The following FANCL variants were observed in gnomAD, a reference collection of about 807,000 sequenced individuals.
FANCL encodes FA complementation group L, also known as E3 ubiquitin-protein ligase FANCL.
A neutral mutation model predicts 59.4 loss-of-function variants in FANCL; 69 were observed. The observed-to-expected ratio is 1.16, with a 90% confidence interval of 0.96 to 1.42. The LOEUF (loss-of-function observed/expected upper bound fraction) is 1.42. Ranked by LOEUF, FANCL falls within the 40% of genes most tolerant of loss-of-function variation. The probability of loss-of-function intolerance (pLI) is 0.00; values close to 1 mark genes in which losing one functional copy is unlikely to be tolerated. For synonymous variants in FANCL, 180 were observed against 147.1 expected (o/e 1.22, Z -1.62); for missense variants, 519 against 447.2 (o/e 1.16, Z -1.45).
At position 58,163,033 on chromosome 2, in the gene FANCL, A is replaced by G. The variant is rs61753272; in HGVS notation, c.817T>C (p.Leu273=). Residue 273 remains leucine (L), a synonymous_variant, in exon 10 of 14, where the codon TTG becomes CTG. Transcript: ENST00000233741. ...TTATATTGCCAAGGTACCTACCACA[A>G]ATGTATGTTCCTGCTCAGCTTAATT... is the stretch of plus-strand genomic sequence containing the variant. ...LGIKLSRNIH[L]WDPENSVLQN... 2.6e-4 allele frequency: 422 copies of G among 1,612,916 alleles called. 1 individual carries two copies. In the African/African-American group the frequency reaches 5.1e-3, roughly 19 times the overall value.
At chr2:58,234,548 TC>T (rs1179283501) in intron 1 of FANCL, among the ~76,000 whole-genome samples, 1 of 151,564 alleles carries the variant, frequency 6.6e-6, no homozygotes, top group Non-Finnish European at 1.5e-5. Context: ...TAATTGGAGA[TC>T]TTGGAAAGAA....
intron 11 of FANCL, among the ~76,000 whole-genome samples, chr2:58,161,911 G>T (rs954356692): frequency 6.6e-6 from 1 of 151,848 alleles, no homozygotes; most frequent in Non-Finnish European, 1.5e-5. Context: ...TTATAAAGGT[G>T]ACTATATTGC....
At chr2:58,208,487 C>A (rs1288127574) in intron 5 of FANCL, among the ~76,000 whole-genome samples, 3 of 152,114 alleles carry the variant, frequency 2.0e-5, no homozygotes, top group African/African-American at 7.2e-5. Flanking sequence ...TGAATGTCAA[C>A]AAGTAAAACA....
At position 58,222,028 on chromosome 2, in the gene FANCL, CT is replaced by C; in HGVS notation, c.287del (p.Lys96ArgfsTer23). On this transcript the variant is annotated frameshift_variant, in exon 5 of 14. Coordinates refer to ENST00000233741, the MANE Select transcript of FANCL (RefSeq NM_018062.4). LOFTEE classifies it high-confidence loss of function. ...GTAGTGCATACAGCTCTTGTCTATT[CT>C]TTAAGGCAACTTCCTGTTTAAAAGA... ...ELKMLLEVALKNRQELYALPP... is the reference protein window; with the variant it reads ...ELKMLLEVALXNRQELYALPP... 6.2e-7 allele frequency: 1 copy of C among 1,612,942 alleles called. No homozygotes were observed. Among genetic ancestry groups the C allele is most frequent in the Non-Finnish European group, 8.5e-7 (1 of 1,179,140 alleles).
chr2:58,228,817 T>C (rs899883889), intron 3 of FANCL, among the ~76,000 whole-genome samples: 20 of 152,204 alleles, frequency 1.3e-4, no homozygotes, highest in African/African-American at 4.8e-4. Flanking sequence ...TTTCTAGGAA[T>C]CCTCTTGATA....
intron 5 of FANCL, among the ~76,000 whole-genome samples, chr2:58,220,549 T>A (rs746863722): frequency 1.1e-4 from 17 of 152,248 alleles, no homozygotes; most frequent in Non-Finnish European, 2.4e-4. Context: ...CAAATTTACA[T>A]GGGAACAATT....
intron 7 of FANCL, among the ~76,000 whole-genome samples, chr2:58,180,808 TTTTG>T (rs1458286736): frequency 1.3e-5 from 2 of 152,006 alleles, no homozygotes; most frequent in Non-Finnish European, 2.9e-5. Context: ...TTTAAAGGTT[TTTTG>T]TGTGTGTGTG....
chr2:58,220,120 A>G (rs1027906767), intron 5 of FANCL, among the ~76,000 whole-genome samples: 2 of 152,188 alleles, frequency 1.3e-5, no homozygotes, highest in Admixed American at 6.5e-5. Flanking sequence ...TATTACATGC[A>G]ATCGCGATTT....
intron 7 of FANCL, among the ~76,000 whole-genome samples, chr2:58,179,839 G>C (rs1352695082): frequency 6.6e-6 from 1 of 152,022 alleles, no homozygotes; most frequent in African/African-American, 2.4e-5. Flanking sequence ...ATCTGACAAA[G>C]GGCTAATATC....
intron 7 of FANCL, among the ~76,000 whole-genome samples, chr2:58,186,747 G>A (rs1223215342): frequency 1.3e-5 from 2 of 152,058 alleles, no homozygotes; most frequent in Admixed American, 1.3e-4. Flanking sequence ...AATCCCTGGG[G>A]CAAAAAGAAG....
chr2:58,218,385 TA>T (rs1692055549), intron 5 of FANCL, among the ~76,000 whole-genome samples: 1 of 151,898 alleles, frequency 6.6e-6, no homozygotes, highest in Non-Finnish European at 1.5e-5. Flanking sequence ...AAATAATTGA[TA>T]TGGCTCTTGC....
chr2:58,234,007 T>C (rs1024909315), intron 1 of FANCL, among the ~76,000 whole-genome samples: 8 of 151,994 alleles, frequency 5.3e-5, no homozygotes, highest in East Asian at 1.9e-4. Flanking sequence ...ATTAAATAAA[T>C]TGTACAATAA....
At chr2:58,181,131 A>G (rs1687901039) in intron 7 of FANCL, among the ~76,000 whole-genome samples, 1 of 152,122 alleles carries the variant, frequency 6.6e-6, no homozygotes. Context: ...CATAAGCACC[A>G]AAAACTGGTA....
intron 7 of FANCL, among the ~76,000 whole-genome samples, chr2:58,174,794 A>T (rs1272106665): frequency 6.6e-6 from 1 of 152,230 alleles, no homozygotes; most frequent in Non-Finnish European, 1.5e-5. Flanking sequence ...AAACCAGAGC[A>T]GAACTGAAGG....
In FANCL at chr2:58,194,869, A is replaced by C. The variant is rs557005162; in HGVS notation, c.540+3725T>G. ...TCAACCCAGCAGGAAGACAGGGACC[A>C]TAAGGAAAATTACCCATTTTTAATA... On this transcript the variant is annotated intron_variant, in intron 7 of 13. Coordinates refer to ENST00000233741, the MANE Select transcript of FANCL (RefSeq NM_018062.4). Among the ~76,000 whole-genome samples the C allele has an allele frequency of 7.2e-5, 11 of 152,080 alleles. No homozygotes were observed. In the East Asian group the frequency reaches 2.1e-3, roughly 29 times the overall value.
chr2:58,176,856 G>A (rs1372890114), intron 7 of FANCL, among the ~76,000 whole-genome samples: 1 of 151,970 alleles, frequency 6.6e-6, no homozygotes, highest in Non-Finnish European at 1.5e-5. Flanking sequence ...CTACAAAATG[G>A]GAGAACATTT....
At chr2:58,164,947 A>T (rs1012185220) in intron 8 of FANCL, among the ~76,000 whole-genome samples, 3 of 152,098 alleles carry the variant, frequency 2.0e-5, no homozygotes, top group Admixed American at 6.6e-5. Flanking sequence ...TATAAAGTAT[A>T]AAAATTGCTC....
At chr2:58,238,938 T>A (rs1470704098) in intron 1 of FANCL, among the ~76,000 whole-genome samples, 2 of 152,158 alleles carry the variant, frequency 1.3e-5, no homozygotes, top group African/African-American at 4.8e-5. Context: ...TGGCCAAATC[T>A]GGGACAATTC....
chr2:58,210,707 C>A (rs1691056530), intron 5 of FANCL, among the ~76,000 whole-genome samples: 2 of 152,150 alleles, frequency 1.3e-5, no homozygotes, highest in African/African-American at 4.8e-5. Context: ...GGGGTATAGG[C>A]ATTCGATAAA....
Sources: gnomAD v4.1 joint callset for allele counts (sites outside exome capture counted in the v4.1 genomes callset) on GRCh38, gnomAD v4.1.1 for gene constraint, MANE v1.5 for transcripts, NCBI Gene and HGNC (gene_info 2026-07-23, HGNC 2026-07-21) for gene names.